Variants in PRSS23 observed in about 807,000 individuals in gnomAD.
The protein encoded by PRSS23 is protease, serine 23.
Under a neutral mutation model 34.7 loss-of-function variants are expected in PRSS23, and 25 were observed. That is an observed-to-expected ratio of 0.72 (90% CI 0.53 to 1.01). The LOEUF (loss-of-function observed/expected upper bound fraction) is 1.01. PRSS23 is among the 50% of genes least tolerant of loss of function. The pLI is 0.00. For synonymous variants in PRSS23, 176 were observed against 186.6 expected, an observed-to-expected ratio of 0.94 and a Z score of 0.46; for missense variants, 445 against 475.6, an observed-to-expected ratio of 0.94 and a Z score of 0.60.
chr11:86,812,164 T>C (rs2135606185), downstream of PRSS23, among the ~76,000 whole-genome samples: 1 of 152,304 alleles, frequency 6.6e-6, no homozygotes, highest in South Asian at 2.1e-4. Context: ...AACAAGCATG[T>C]TTGGTCACTT....
chr11:86,840,033 C>T (rs1948435984), intron 2 of PRSS23, among the ~76,000 whole-genome samples: 1 of 151,996 alleles, frequency 6.6e-6, no homozygotes, highest in Non-Finnish European at 1.5e-5. Context: ...TATGAAGAAA[C>T]TGCATTAATT....
intron 1 of PRSS23, among the ~76,000 whole-genome samples, chr11:86,804,101 C>T (rs1948072331): frequency 6.6e-6 from 1 of 152,090 alleles, no homozygotes; most frequent in Non-Finnish European, 1.5e-5. Context: ...CCAGCTAAAG[C>T]AATCATCTGG....
At chr11:86,886,632 A>G (rs1398838174) in intron 2 of PRSS23, among the ~76,000 whole-genome samples, 1 of 152,222 alleles carries the variant, frequency 6.6e-6, no homozygotes, top group Non-Finnish European at 1.5e-5. Flanking sequence ...GATTAAATGT[A>G]ATAGTCCCCA....
intron 2 of PRSS23, among the ~76,000 whole-genome samples, chr11:86,868,083 C>G (rs1939101): frequency 0.11 from 16,474 of 151,900 alleles, 1,096 homozygotes; most frequent in East Asian, 0.25. Flanking sequence ...AAAAGTGAAG[C>G]CTAGGGGACA....
chr11:86,843,609 A>G (rs1948464653), intron 2 of PRSS23, among the ~76,000 whole-genome samples: 2 of 152,252 alleles, frequency 1.3e-5, no homozygotes, highest in Admixed American at 1.3e-4. Context: ...GGCAAAGAAT[A>G]TAAACAGACA....
intron 2 of PRSS23, among the ~76,000 whole-genome samples, chr11:86,915,467 T>G (rs1949005365): frequency 6.6e-6 from 1 of 151,060 alleles, no homozygotes; most frequent in Non-Finnish European, 1.5e-5. Context: ...TATAAGGAAA[T>G]GAGATAATGT....
chr11:86,891,831 G>T (rs530783156), intron 2 of PRSS23, among the ~76,000 whole-genome samples: 14 of 152,050 alleles, frequency 9.2e-5, no homozygotes, highest in Non-Finnish European at 2.1e-4. Context: ...TAAGTGTTTG[G>T]TAGTTCCTCC....
At position 86,808,220 on chromosome 11, in the gene PRSS23, G is replaced by A. The variant is rs1437251339; in HGVS notation, c.577G>A (p.Gly193Ser). 2 of 1,614,098 alleles carry A rather than the reference G, an allele frequency of 1.2e-6. No individual in the cohort carries two copies. The highest frequency in any genetic ancestry group is 2.2e-5 in the East Asian group (1 of 44,876). The change falls in exon 2 of 2, where the codon GGC becomes AGC. Residue 193 changes from glycine to serine, a missense_variant. Gly to Ser is a moderately conservative substitution (Grantham distance 56). Coordinates refer to ENST00000280258, the MANE Select transcript of PRSS23 (RefSeq NM_007173.6). ...GAAAGGAACCCAGAAGCTTCGAGTG[G>A]GCTTCCTAAAGCCCAAGTTTAAAGA... ...YVKGTQKLRV[G>S]FLKPKFKDGG...
intron 1 of PRSS23, among the ~76,000 whole-genome samples, chr11:86,804,154 AACATTTGGTAAAGG>A (rs1948072997): frequency 6.6e-6 from 1 of 152,174 alleles, no homozygotes; most frequent in South Asian, 2.1e-4. Flanking sequence ...ACCCTAAATA[AACATTTGGTAAAGG>A]ACTAAGCAAC....
chr11:86,826,330 G>A (rs1948300673), intron 2 of PRSS23, among the ~76,000 whole-genome samples: 1 of 152,060 alleles, frequency 6.6e-6, no homozygotes, highest in South Asian at 2.1e-4. Flanking sequence ...TGTGATTTTT[G>A]TACATTGATT....
At chr11:86,900,543 G>T (rs557458628) in intron 2 of PRSS23, among the ~76,000 whole-genome samples, 1 of 152,192 alleles carries the variant, frequency 6.6e-6, no homozygotes, top group South Asian at 2.1e-4. Flanking sequence ...TCTTTACCAG[G>T]TGCTACAGGG....
chr11:86,951,041 G>T, intron 2 of PRSS23: 1 of 1,290,306 alleles, frequency 7.8e-7, no homozygotes, highest in Non-Finnish European at 1.1e-6. Context: ...TTGCTAGTTT[G>T]TTCAAACTGA....
chr11:86,823,404 C>T (rs940794833), exon 2 of PRSS23: 5 of 702,320 alleles, frequency 7.1e-6, no homozygotes, highest in Middle Eastern at 2.3e-4. Context: ...AGAATGAGAC[C>T]TGTGTGCCAA....
intron 2 of PRSS23, among the ~76,000 whole-genome samples, chr11:86,861,322 G>A (rs911359739): frequency 1.3e-5 from 2 of 150,902 alleles, no homozygotes; most frequent in African/African-American, 2.4e-5. Context: ...AGAGGGGCAT[G>A]ATATTACTCT....
intron 2 of PRSS23, among the ~76,000 whole-genome samples, chr11:86,873,148 T>C (rs913910449): frequency 6.6e-6 from 1 of 151,106 alleles, no homozygotes; most frequent in Non-Finnish European, 1.5e-5. Context: ...TTCTTTCAAT[T>C]GCAACCTTGT....
At chr11:86,911,315 CT>C (rs1483626768) in intron 2 of PRSS23, 18 of 152,110 alleles carry the variant, frequency 1.2e-4, no homozygotes, top group African/African-American at 2.4e-4. Flanking sequence ...TTTTAATTTA[CT>C]TTTTATTATT....
chr11:86,952,106 T>C, exon 3 of PRSS23: 1 of 1,614,028 alleles, frequency 6.2e-7, no homozygotes, highest in Non-Finnish European at 8.5e-7. Context: ...ATCAGTGAAC[T>C]CCTTGGCTGA....
intron 2 of PRSS23, among the ~76,000 whole-genome samples, chr11:86,843,889 T>C (rs998595251): frequency 6.6e-6 from 1 of 152,162 alleles, no homozygotes; most frequent in Non-Finnish European, 1.5e-5. Flanking sequence ...AGAAATACCA[T>C]CTGACCCAGC....
At chr11:86,892,117 C>A (rs1406043210) in intron 2 of PRSS23, 1 of 152,250 alleles carries the variant, frequency 6.6e-6, no homozygotes, top group East Asian at 1.9e-4. Flanking sequence ...AGCCTCATAG[C>A]CAGAAACTGG....
Sources: allele counts gnomAD v4.1 joint callset (sites outside exome capture counted in the v4.1 genomes callset), GRCh38; gene constraint gnomAD v4.1.1; transcripts MANE v1.5; gene names NCBI Gene and HGNC (gene_info 2026-07-23, HGNC 2026-07-21).